The following SLC30A8 variants were observed in gnomAD, a reference collection of about 807,000 sequenced individuals.
SLC30A8 encodes the protein proton-coupled zinc antiporter SLC30A8.
In SLC30A8, 27 loss-of-function variants were observed where a neutral mutation model predicts 36.9. The ratio of observed to expected loss-of-function variants is 0.73; its 90% CI spans 0.54 to 1.01. SLC30A8 has a LOEUF of 1.01. Among genes scored for constraint, SLC30A8 ranks in the 50% least tolerant of loss-of-function variants. SLC30A8 has a pLI of 0.00. For missense variants in SLC30A8, 439 were observed against 452.0 expected (o/e 0.97, Z 0.26); for synonymous variants, 164 against 172.4 (o/e 0.95, Z 0.38).
chr8:117,127,463 G>T (rs567011303), intron 2 of SLC30A8, among the ~76,000 whole-genome samples: 2 of 152,136 alleles, frequency 1.3e-5, no homozygotes, highest in East Asian at 1.9e-4. Flanking sequence ...TGTTGGAAGA[G>T]ACATTATTTC....
chr8:117,019,831 G>A (rs142272956), intron 1 of SLC30A8, among the ~76,000 whole-genome samples: 2 of 152,346 alleles, frequency 1.3e-5, no homozygotes, highest in Non-Finnish European at 2.9e-5. Context: ...GATTTGTTTT[G>A]AGAACTGCAA....
intron 2 of SLC30A8, among the ~76,000 whole-genome samples, chr8:117,071,160 C>G (rs1231211825): frequency 6.6e-6 from 1 of 152,140 alleles, no homozygotes; most frequent in South Asian, 2.1e-4. Context: ...TATAGTCCCA[C>G]CAACAACATA....
chr8:117,030,424 C>G (rs1266513828), intron 1 of SLC30A8, among the ~76,000 whole-genome samples: 1 of 152,140 alleles, frequency 6.6e-6, no homozygotes, highest in Non-Finnish European at 1.5e-5. Flanking sequence ...CGTTGCCTCC[C>G]ATCTTTCTCT....
intron 3 of SLC30A8, among the ~76,000 whole-genome samples, chr8:117,155,401 C>T (rs756571477): frequency 2.6e-5 from 4 of 152,238 alleles, no homozygotes; most frequent in South Asian, 4.1e-4. Context: ...CCTCCATTTC[C>T]GGCTAACCAG....
intron 1 of SLC30A8, among the ~76,000 whole-genome samples, chr8:117,143,667 C>CACACACAG (rs1821764605): frequency 8.6e-6 from 1 of 116,084 alleles, no homozygotes; most frequent in African/African-American, 3.1e-5. Flanking sequence ...TCCCATAAAA[C>CACACACAG]ACACACACAC....
intron 2 of SLC30A8, among the ~76,000 whole-genome samples, chr8:117,061,566 T>C (rs7464559): frequency 0.095 from 14,469 of 152,286 alleles, 1,133 homozygotes; most frequent in African/African-American, 0.22. Flanking sequence ...GAAATATTTT[T>C]TCCATCTTTA....
intron 1 of SLC30A8, among the ~76,000 whole-genome samples, chr8:117,009,928 A>G (rs765575108): frequency 3.3e-5 from 5 of 152,084 alleles, no homozygotes; most frequent in African/African-American, 7.2e-5. Flanking sequence ...ATTTTTTCGG[A>G]GTGAAGCAGG....
intron 1 of SLC30A8, among the ~76,000 whole-genome samples, chr8:117,021,300 A>G (rs1816688448): frequency 6.6e-6 from 1 of 152,130 alleles, no homozygotes; most frequent in African/African-American, 2.4e-5. Flanking sequence ...AGATAACACA[A>G]CTTTTCTCTA....
At chr8:116,973,309 A>G (rs1461348831) in intron 1 of SLC30A8, among the ~76,000 whole-genome samples, 1 of 152,188 alleles carries the variant, frequency 6.6e-6, no homozygotes, top group Non-Finnish European at 1.5e-5. Flanking sequence ...CCACATGACT[A>G]GATTTGGACC....
intron 2 of SLC30A8, among the ~76,000 whole-genome samples, chr8:117,125,994 A>G (rs1483287252): frequency 6.6e-6 from 1 of 152,022 alleles, no homozygotes; most frequent in African/African-American, 2.4e-5. Context: ...AGAATGCATC[A>G]GCTTCAACGA....
intron 2 of SLC30A8, among the ~76,000 whole-genome samples, chr8:117,085,891 A>G (rs1818859512): frequency 6.6e-6 from 1 of 152,178 alleles, no homozygotes; most frequent in African/African-American, 2.4e-5. Context: ...AGTCCAAGAC[A>G]AGAGTAAGAT....
intron 1 of SLC30A8, among the ~76,000 whole-genome samples, chr8:117,018,670 C>A (rs1052940305): frequency 8.1e-6 from 1 of 123,180 alleles, no homozygotes; most frequent in African/African-American, 3.1e-5. Flanking sequence ...CTAGCCCCCC[C>A]CCCCCTTTTT....
chr8:117,158,097 A>G (rs1822594240), intron 4 of SLC30A8, among the ~76,000 whole-genome samples: 1 of 152,228 alleles, frequency 6.6e-6, no homozygotes, highest in African/African-American at 2.4e-5. Flanking sequence ...ATGTTTGAAT[A>G]TATATTACCA....
At chr8:117,041,792 G>A (rs1388581727) in intron 2 of SLC30A8, among the ~76,000 whole-genome samples, 1 of 152,176 alleles carries the variant, frequency 6.6e-6, no homozygotes, top group Non-Finnish European at 1.5e-5. Flanking sequence ...TAGGTCCTAG[G>A]TCTTGTGTGT....
intron 2 of SLC30A8, among the ~76,000 whole-genome samples, chr8:117,098,188 C>G (rs964310974): frequency 1.3e-5 from 2 of 149,866 alleles, no homozygotes; most frequent in South Asian, 4.2e-4. Context: ...CAATCAAGAC[C>G]TCCCTGAGAA....
intron 1 of SLC30A8, among the ~76,000 whole-genome samples, chr8:116,976,332 A>G (rs563898375): frequency 4.0e-5 from 6 of 149,904 alleles, no homozygotes; most frequent in South Asian, 4.2e-4. Context: ...GATTGTGTGG[A>G]GTTGGAAAAA....
chr8:117,153,095 G>A lies in SLC30A8; in HGVS notation c.418+5G>A, dbSNP rs185363993. ...CATTTGGATGGCACCGAGCAGGTAC[G>A]GTTCATAGAGTGAGCAATAACAGCA... On this transcript the variant is annotated splice_donor_5th_base_variant and intron_variant, in intron 3 of 7. Coordinates refer to ENST00000456015, the MANE Select transcript of SLC30A8 (RefSeq NM_173851.3). 7.8e-5 allele frequency: 123 copies of A among 1,570,734 alleles called. No homozygotes were observed. The highest frequency in any genetic ancestry group is 8.9e-5 in the Admixed American group (5 of 56,460).
intron 2 of SLC30A8, among the ~76,000 whole-genome samples, chr8:117,094,799 C>T (rs1460340305): frequency 2.6e-5 from 4 of 152,206 alleles, no homozygotes; most frequent in Non-Finnish European, 4.4e-5. Flanking sequence ...GCTGTTCATG[C>T]CATGGGGCAC....
At chr8:117,032,697 C>G (rs1309880981) in intron 1 of SLC30A8, among the ~76,000 whole-genome samples, 3 of 152,134 alleles carry the variant, frequency 2.0e-5, no homozygotes, top group Non-Finnish European at 4.4e-5. Flanking sequence ...CAAGACCAGC[C>G]TGGCCAACAT....
Sources: gnomAD v4.1 joint callset for allele counts (sites outside exome capture counted in the v4.1 genomes callset) on GRCh38, gnomAD v4.1.1 for gene constraint, MANE v1.5 for transcripts, NCBI Gene and HGNC (gene_info 2026-07-23, HGNC 2026-07-21) for gene names.